The following ZNF599 variants were observed in gnomAD, a reference collection of about 807,000 sequenced individuals.
ZNF599 encodes zinc finger protein 599.
ZNF599 carries 10 observed loss-of-function variants against 11.7 expected under a neutral mutation model. That is an observed-to-expected ratio of 0.86 (90% confidence interval 0.53 to 1.45). The LOEUF (loss-of-function observed/expected upper bound fraction) is 1.45. Among genes scored for constraint, ZNF599 ranks in the 40% most tolerant of loss-of-function variants. The pLI is 0.00. For missense variants in ZNF599, 688 were observed against 713.6 expected (o/e 0.96, Z 0.41); for synonymous variants, 232 against 253.2 (o/e 0.92, Z 0.79).
rs2290653 is a variant in ZNF599 at position 34,773,126 on chromosome 19, C to G, written c.-285G>C. 1 of 405,644 alleles carries G rather than the reference C, an allele frequency of 2.5e-6. No homozygotes were observed. The highest frequency in any genetic ancestry group is 4.3e-5 in the Admixed American group (1 of 23,050). The allele number at this position is 405,644 out of a possible 1,614,324, so 25.1% of individuals were successfully genotyped here. On this transcript the variant is annotated 5_prime_UTR_variant, in exon 1 of 4. Transcript: ENST00000329285. The stretch of plus-strand genomic sequence containing the variant: ...CTCACTGTCCGTCTCTACTCGGTCT[C>G]GAAAAGTGGCCCCTGTCTGGCGTTC...
intron 3 of ZNF599, 55 bp from the exon 4 acceptor site, chr19:34,760,614 A>G: frequency 6.9e-7 from 1 of 1,439,010 alleles, no homozygotes; most frequent in Non-Finnish European, 9.3e-7. Context: ...AACAGAACAA[A>G]CAAAATCACC....
At chr19:34,760,846 T>A (rs1302697509) in intron 3 of ZNF599, among the ~76,000 whole-genome samples, 1 of 152,092 alleles carries the variant, frequency 6.6e-6, no homozygotes, top group Non-Finnish European at 1.5e-5. Context: ...ATAATTACAA[T>A]GTGTGTGATG....
In ZNF599 at chr19:34,760,234, G is replaced by A. The variant is rs368148372; in HGVS notation, c.567C>T (p.Asp189=). Residue 189 remains aspartate, a synonymous_variant, in exon 4 of 4, where the codon GAC becomes GAT. Coordinates refer to ENST00000329285, the MANE Select transcript of ZNF599 (RefSeq NM_001007248.3). ...GGTTATTCCTTGCATCAGTCATGGG[G>A]TCTTTTCCTGGTCCTTGAGAGTCAC... is the stretch of plus-strand genomic sequence containing the variant. ...HECDSQGPGK[D]PMTDARNNPY... is the part of the protein sequence containing the mutation. The A allele has an allele frequency of 6.2e-7, 1 of 1,613,996 alleles. No individual in the cohort carries two copies. Among genetic ancestry groups the A allele is most frequent in the African/African-American group, 1.3e-5 (1 of 74,888 alleles).
chr19:34,776,308 C>G (rs1168921854), upstream of ZNF599, among the ~76,000 whole-genome samples: 1 of 152,214 alleles, frequency 6.6e-6, no homozygotes, highest in Admixed American at 6.5e-5. Context: ...AATCCTAACT[C>G]ATATTTCATA....
the ZNF599 span, among the ~76,000 whole-genome samples, chr19:34,807,498 G>A: frequency 2.6e-5 from 4 of 152,320 alleles, no homozygotes; most frequent in Admixed American, 1.3e-4. Flanking sequence ...AAGGCTTCCT[G>A]TTGCCTTCGC....
At chr19:34,800,890 C>A in the ZNF599 span, among the ~76,000 whole-genome samples, 9 of 152,222 alleles carry the variant, frequency 5.9e-5, no homozygotes, top group African/African-American at 1.4e-4. Context: ...ACACCATGCG[C>A]CTGGCTTCTA....
intron 3 of ZNF599, chr19:34,765,586 C>G (rs2069137453): frequency 1.4e-6 from 1 of 702,886 alleles, no homozygotes; most frequent in Non-Finnish European, 2.6e-6. Context: ...CTAGATTCTG[C>G]TGGAGAAATT....
In ZNF599 at chr19:34,769,503, C is replaced by T. The variant is rs546242932; in HGVS notation, c.71G>A (p.Gly24Glu). The T allele has an allele frequency of 1.9e-6, 3 of 1,614,178 alleles. No individual in the cohort carries two copies. The highest frequency in any genetic ancestry group is 3.3e-5 in the Admixed American group (2 of 60,028). The change falls in exon 2 of 4, where the codon GGG becomes GAG. Residue 24 changes from glycine (G) to glutamate (E), a missense_variant. Gly to Glu is a moderately conservative substitution (Grantham distance 98). Transcript: ENST00000329285. Reference sequence around the variant, plus strand: ...GGTCCTCTGGGCCAGGTCCAGGTGCCCCCATTCCTCTCCAGTGAAGGTCAC... The same window carrying T: ...GGTCCTCTGGGCCAGGTCCAGGTGCTCCCATTCCTCTCCAGTGAAGGTCAC... ...VVVTFTGEEW[G>E]HLDLAQRTLY...
At chr19:34,800,130 T>C in the ZNF599 span, among the ~76,000 whole-genome samples, 1 of 152,216 alleles carries the variant, frequency 6.6e-6, no homozygotes, top group East Asian at 1.9e-4. Context: ...TTGGGTCGTT[T>C]TGTTTTCTCA....
the ZNF599 span, among the ~76,000 whole-genome samples, chr19:34,781,714 C>A: frequency 6.6e-6 from 1 of 152,154 alleles, no homozygotes; most frequent in African/African-American, 2.4e-5. Flanking sequence ...CCATAAGCAC[C>A]CTCCAGCAGG....
the ZNF599 span, among the ~76,000 whole-genome samples, chr19:34,805,595 A>G: frequency 6.6e-6 from 1 of 152,090 alleles, no homozygotes; most frequent in Non-Finnish European, 1.5e-5. Flanking sequence ...ATTTCCAGAT[A>G]CCACCAACAC....
the ZNF599 span, among the ~76,000 whole-genome samples, chr19:34,790,727 C>T: frequency 6.6e-6 from 1 of 152,002 alleles, no homozygotes; most frequent in Non-Finnish European, 1.5e-5. Flanking sequence ...TACTGTATAT[C>T]TTAAAATTGC....
intron 2 of ZNF599, among the ~76,000 whole-genome samples, chr19:34,768,034 T>C (rs913897564): frequency 2.6e-5 from 4 of 152,168 alleles, no homozygotes; most frequent in African/African-American, 9.7e-5. Context: ...GACAGAAGAC[T>C]CTGGAGAGAA....
At chr19:34,800,530 C>A in the ZNF599 span, among the ~76,000 whole-genome samples, 385 of 151,532 alleles carry the variant, frequency 2.5e-3, 1 homozygote, top group African/African-American at 9.0e-3. Context: ...TACTGATGAG[C>A]CCTTCGAAGG....
At chr19:34,803,344 T>C in the ZNF599 span, among the ~76,000 whole-genome samples, 1 of 152,148 alleles carries the variant, frequency 6.6e-6, no homozygotes, top group Non-Finnish European at 1.5e-5. Flanking sequence ...TCTGGGTGGG[T>C]GTGAGGGTCT....
At chr19:34,771,355 G>A (rs538383749) in intron 1 of ZNF599, among the ~76,000 whole-genome samples, 1 of 152,116 alleles carries the variant, frequency 6.6e-6, no homozygotes, top group Non-Finnish European at 1.5e-5. Flanking sequence ...CTGAGTCTCC[G>A]GTTCCTCTTC....
intron 3 of ZNF599, among the ~76,000 whole-genome samples, chr19:34,762,232 AG>A (rs1373653257): frequency 6.6e-6 from 1 of 152,234 alleles, no homozygotes; most frequent in Non-Finnish European, 1.5e-5. Flanking sequence ...AGTCAACATA[AG>A]AAGTGTTCAC....
chr19:34,792,969 T>C, the ZNF599 span, among the ~76,000 whole-genome samples: 1 of 152,022 alleles, frequency 6.6e-6, no homozygotes, highest in Non-Finnish European at 1.5e-5. Flanking sequence ...TCCATACACA[T>C]AACCTTCAAG....
chr19:34,792,278 C>T, the ZNF599 span, among the ~76,000 whole-genome samples: 1 of 152,150 alleles, frequency 6.6e-6, no homozygotes, highest in African/African-American at 2.4e-5. Context: ...GTCTCAACCT[C>T]CCTGAACAAA....
Sources: allele counts gnomAD v4.1 joint callset (sites outside exome capture counted in the v4.1 genomes callset), GRCh38; gene constraint gnomAD v4.1.1; transcripts MANE v1.5; gene names NCBI Gene and HGNC (gene_info 2026-07-23, HGNC 2026-07-21).